The following DNAH5 variants were observed in gnomAD, a reference collection of about 807,000 sequenced individuals.
DNAH5 encodes the protein dynein axonemal heavy chain 5.
In DNAH5, 372 loss-of-function variants were observed where a neutral mutation model predicts 518.2. The ratio of observed to expected loss-of-function variants is 0.72; its 90% CI spans 0.66 to 0.78. DNAH5 has a LOEUF of 0.78. DNAH5 is among the 30% of genes least tolerant of loss of function. The pLI, the probability that DNAH5 is intolerant of heterozygous loss-of-function variation, is 0.00. For missense variants in DNAH5, 5,523 were observed against 5,687.0 expected, an observed-to-expected ratio of 0.97 and a Z score of 0.93; for synonymous variants, 2,039 against 2,025.9, an observed-to-expected ratio of 1.01 and a Z score of -0.17.
intron 1 of DNAH5, among the ~76,000 whole-genome samples, chr5:13,935,418 T>C (rs1448815299): frequency 6.6e-6 from 1 of 152,184 alleles, no homozygotes; most frequent in East Asian, 1.9e-4. Flanking sequence ...TTTATTTATA[T>C]AAAGCTAATT....
rs545153490 is a variant in DNAH5 at position 13,830,968 on chromosome 5, T to C, written c.5883-193A>G. On this transcript the variant is annotated intron_variant, in intron 35 of 78. Coordinates refer to ENST00000265104, the MANE Select transcript of DNAH5 (RefSeq NM_001369.3). ...ACATATGTTGAGGAAAAGGAGGGGG[T>C]AGTCTATGATCAACTAAGTTTAAAA... is the stretch of plus-strand genomic sequence containing the variant. 1.2e-4 allele frequency among the ~76,000 whole-genome samples: 18 copies of C among 152,188 alleles called. No homozygotes were observed. In the South Asian group the frequency reaches 3.7e-3, roughly 32 times the overall value.
intron 35 of DNAH5, among the ~76,000 whole-genome samples, chr5:13,837,878 T>C (rs1021417762): frequency 6.6e-6 from 1 of 151,854 alleles, no homozygotes; most frequent in African/African-American, 2.4e-5. Context: ...TTTTTTGTAT[T>C]TTTAGTAGAC....
chr5:13,894,742 T>G lies in DNAH5; in HGVS notation c.2339A>C (p.Lys780Thr), dbSNP rs1773692803. ...IEQLIVPHLA[K>T]VDEALQPGLA... The stretch of plus-strand genomic sequence containing the variant: ...GCCAGGTTGGAGAGCTTCATCCACT[T>G]TGGCCAAGTGAGGGACAATCAATTG... Residue 780 changes from lysine to threonine, a missense_variant, in exon 16 of 79, where the codon AAA becomes ACA. Lys to Thr is a moderately conservative substitution (Grantham distance 78). This residue lies in a region of DNAH5 where 5,121 missense variants were observed against 5,223.3 expected (regional missense o/e 0.98). Transcript: ENST00000265104. 2 of 1,614,146 alleles carry G rather than the reference T, an allele frequency of 1.2e-6. No homozygotes were observed. The highest frequency in any genetic ancestry group is 3.3e-5 in the Admixed American group (2 of 60,016).
intron 1 of DNAH5, among the ~76,000 whole-genome samples, chr5:13,992,485 T>G (rs1385875982): frequency 6.6e-6 from 1 of 152,230 alleles, no homozygotes; most frequent in Non-Finnish European, 1.5e-5. Flanking sequence ...GGATGCAAAT[T>G]TTAACCTGAT....
chr5:13,882,994 T>C lies in DNAH5; in HGVS notation c.3084A>G (p.Glu1028=), dbSNP rs766451124. Residue 1028 remains glutamate, a synonymous_variant, in exon 20 of 79, where the codon GAA becomes GAG. Coordinates refer to ENST00000265104, the MANE Select transcript of DNAH5 (RefSeq NM_001369.3). ...IPNIVMAPAL[E]DVQQTLNKAV... is the part of the protein sequence containing the mutation. Reference sequence around the variant, plus strand: ...CTTTGTTCAGGGTCTGCTGTACATCTTCCAGGGCAGGGGCCATGACGATGT... The same window carrying C: ...CTTTGTTCAGGGTCTGCTGTACATCCTCCAGGGCAGGGGCCATGACGATGT... 6 of 1,614,142 alleles carry C rather than the reference T, an allele frequency of 3.7e-6. No homozygotes were observed. In the Admixed American group the frequency reaches 6.7e-5, roughly 18 times the overall value.
chr5:13,927,440 T>C (rs1282471424), intron 3 of DNAH5, among the ~76,000 whole-genome samples: 3 of 151,736 alleles, frequency 2.0e-5, no homozygotes, highest in African/African-American at 7.3e-5. Flanking sequence ...CCCCGGGAGG[T>C]AGAGGTTGCG....
At chr5:13,866,315 G>T (rs1213561942) in intron 25 of DNAH5, 33 bp from the exon 26 acceptor site, 3 of 1,578,212 alleles carry the variant, frequency 1.9e-6, no homozygotes, top group Non-Finnish European at 2.6e-6. Flanking sequence ...AAAATAGAAG[G>T]AAGTGTTTGC....
At chr5:13,907,236 G>A (rs1442994171) in intron 12 of DNAH5, among the ~76,000 whole-genome samples, 8 of 152,162 alleles carry the variant, frequency 5.3e-5, no homozygotes, top group Non-Finnish European at 1.2e-4. Context: ...TTCGAGACCA[G>A]TCTGGCCAAC....
At chr5:13,903,166 T>C (rs1261440682) in intron 12 of DNAH5, among the ~76,000 whole-genome samples, 4 of 152,070 alleles carry the variant, frequency 2.6e-5, no homozygotes, top group African/African-American at 9.7e-5. Flanking sequence ...TTTTTAAAAA[T>C]AAAATTTAGA....
At chr5:13,700,320 T>A (rs1360326610) in intron 78 of DNAH5, among the ~76,000 whole-genome samples, 1 of 152,200 alleles carries the variant, frequency 6.6e-6, no homozygotes, top group Non-Finnish European at 1.5e-5. Context: ...CCCGCTGTTA[T>A]CTCACTCTCC....
At position 13,840,910 on chromosome 5, in the gene DNAH5, T is replaced by C. The variant is rs776748041; in HGVS notation, c.5705A>G (p.Asp1902Gly). ...IHVHQRDIFD[D>G]LCHMHIKSPM... ...CAGCATTTATAAAGAATTTACCAGG[T>C]CATCAAAGATATCCCTTTGGTGCAC... Residue 1902 changes from aspartate (D) to glycine (G), a missense_variant, in exon 34 of 79, where the codon GAC becomes GGC. Transcript: ENST00000265104. 13 of 1,612,058 alleles carry C rather than the reference T, an allele frequency of 8.1e-6. No homozygotes were observed. The highest frequency in any genetic ancestry group is 1.7e-5 in the Admixed American group (1 of 60,006).
In DNAH5 at chr5:13,989,136, T is replaced by A. The variant is rs537715130; in HGVS notation, c.12+22512A>T. ...AAGAAAAGCAGAAAGAGCCGTGTAG[T>A]GGGGAATGGGTTGCTTGCAGAATGG... On this transcript the variant is annotated intron_variant, in intron 1 of 78. Transcript: ENST00000681290. 6.6e-5 allele frequency among the ~76,000 whole-genome samples: 10 copies of A among 151,794 alleles called. No homozygotes were observed. The East Asian group carries it at 1.9e-3, about 30-fold the overall frequency.
intron 35 of DNAH5, 138 bp downstream of exon 35, chr5:13,839,218 G>T: frequency 1.3e-6 from 1 of 747,594 alleles, no homozygotes; most frequent in East Asian, 2.6e-5. Context: ...AAAGAAAGCT[G>T]ATAATAAAGC....
At chr5:13,947,626 A>G (rs1292318486), upstream of DNAH5, among the ~76,000 whole-genome samples, 1 of 152,190 alleles carries the variant, frequency 6.6e-6, no homozygotes, top group African/African-American at 2.4e-5. Context: ...TTCAGTCGAG[A>G]GCTGGTTGAA....
intron 12 of DNAH5, among the ~76,000 whole-genome samples, chr5:13,908,610 T>G (rs1006698187): frequency 4.6e-5 from 7 of 152,200 alleles, no homozygotes; most frequent in African/African-American, 1.7e-4. Flanking sequence ...CTACTCAGTT[T>G]TCCTTTAACT....
At chr5:13,763,032 T>C in intron 59 of DNAH5, 131 bp from the exon 60 acceptor site, 1 of 817,896 alleles carries the variant, frequency 1.2e-6, no homozygotes, top group Non-Finnish European at 2.0e-6. Flanking sequence ...TTTGTCACTA[T>C]TTTAAGATAT....
In DNAH5 at chr5:13,900,289, G is replaced by A; in HGVS notation, c.2176C>T (p.Gln726Ter). The change falls in exon 15 of 79, where the codon CAG becomes TAG. Residue 726 changes from glutamine (Q) to a stop codon, truncating the protein, a stop_gained. Coordinates refer to ENST00000265104, the MANE Select transcript of DNAH5 (RefSeq NM_001369.3). LOFTEE classifies it high-confidence loss of function. ...AGTGGAGAGACTTCCAGACCCATCTGGGCCATGCACTCTGTTTCTCTAAAT... is the reference window on the plus strand; with the variant it reads ...AGTGGAGAGACTTCCAGACCCATCTAGGCCATGCACTCTGTTTCTCTAAAT... ...ILFRETECMA[Q>*]MGLEVSPLAT... 1 of 1,614,160 alleles carries A rather than the reference G, an allele frequency of 6.2e-7. No homozygotes were observed. The highest frequency in any genetic ancestry group is 8.5e-7 in the Non-Finnish European group (1 of 1,179,998).
At chr5:13,884,931 CACAT>C in intron 19 of DNAH5, 54 bp downstream of exon 19, 13 of 1,610,616 alleles carry the variant, frequency 8.1e-6, no homozygotes, top group Non-Finnish European at 1.1e-5. Context: ...CACACACACA[CACAT>C]ACCCCAGCAA....
intron 30 of DNAH5, 101 bp from the exon 31 acceptor site, chr5:13,850,916 G>T: frequency 8.4e-7 from 1 of 1,194,328 alleles, no homozygotes; most frequent in Non-Finnish European, 1.2e-6. Context: ...GCTTTAACCA[G>T]TCCAGATATC....
Sources: gnomAD v4.1 joint callset for allele counts (sites outside exome capture counted in the v4.1 genomes callset) on GRCh38, gnomAD v4.1.1 for gene constraint, gnomAD v4.1.1 regional missense constraint, MANE v1.5 for transcripts, NCBI Gene and HGNC (gene_info 2026-07-23, HGNC 2026-07-21) for gene names.